Variants in FYCO1 observed in about 807,000 individuals in gnomAD.
The protein encoded by FYCO1 is FYVE and coiled-coil domain autophagy adaptor 1, also known as FYVE and coiled-coil domain-containing protein 1.
In FYCO1, 122 loss-of-function variants were observed where a neutral mutation model predicts 165.1. That is an observed-to-expected ratio of 0.74 (90% CI 0.64 to 0.86). The LOEUF (loss-of-function observed/expected upper bound fraction) is 0.86, where lower values mean the gene tolerates loss of function less well. FYCO1 is among the 40% of genes least tolerant of loss of function. FYCO1 has a pLI of 0.00. For synonymous variants in FYCO1, 648 were observed against 742.5 expected (o/e 0.87, Z 2.07); for missense variants, 1,702 against 1,810.3 (o/e 0.94, Z 1.09).
In FYCO1 at chr3:45,966,601, C is replaced by G; in HGVS notation, c.2733G>C (p.Gln911His). ...ANTDTAELGI[Q>H]VCALTVEKER... is the part of the protein sequence containing the mutation. ...CCTTTTCCACGGTCAGTGCGCAAAC[C>G]TGGATGCCCAGCTCAGCTGTGTCTG... The change falls in exon 8 of 18, where the codon CAG becomes CAC. Residue 911 changes from glutamine to histidine, a missense_variant. By Grantham distance (24) the Gln-to-His change is conservative. Coordinates refer to ENST00000296137, the MANE Select transcript of FYCO1 (RefSeq NM_024513.4). 1 of 1,614,216 alleles carries G rather than the reference C, an allele frequency of 6.2e-7. No homozygotes were observed.
intron 14 of FYCO1, chr3:45,946,113 T>C (rs1158706004): frequency 9.4e-6 from 2 of 212,730 alleles, no homozygotes; most frequent in Non-Finnish European, 1.9e-5. Flanking sequence ...ATCATCAGTG[T>C]TGCTCTTCCA....
chr3:45,954,215 T>TTG (rs1357329368), intron 14 of FYCO1, among the ~76,000 whole-genome samples: 3 of 148,002 alleles, frequency 2.0e-5, no homozygotes, highest in Non-Finnish European at 4.5e-5. Context: ...ATGACATTTT[T>TTG]TGGGGGGGGT....
At chr3:45,946,351 G>A in intron 14 of FYCO1, 2 of 730,218 alleles carry the variant, frequency 2.7e-6, no homozygotes, top group Non-Finnish European at 4.6e-6. Flanking sequence ...ATCCCAGTGG[G>A]TGGGTTTAGA....
At chr3:45,981,770 C>A in intron 2 of FYCO1, 94 bp from the exon 3 acceptor site, 2 of 860,772 alleles carry the variant, frequency 2.3e-6, no homozygotes, top group South Asian at 1.4e-5. Context: ...AGCAAGTGGT[C>A]AGTGATACAA....
At chr3:45,975,143 A>G in intron 5 of FYCO1, 96 bp downstream of exon 5, 2 of 871,308 alleles carry the variant, frequency 2.3e-6, no homozygotes, top group Non-Finnish European at 4.0e-6. Flanking sequence ...GGGGGACACA[A>G]ATGAGCACTA....
chr3:45,959,221 C>T (rs1391761745), intron 12 of FYCO1, among the ~76,000 whole-genome samples, 172 bp downstream of exon 12: 1 of 152,208 alleles, frequency 6.6e-6, no homozygotes. Context: ...TGTTAGGATC[C>T]CAACTAATAC....
At chr3:45,963,734 G>T (rs1705832791) in intron 10 of FYCO1, among the ~76,000 whole-genome samples, 1 of 152,210 alleles carries the variant, frequency 6.6e-6, no homozygotes, top group Non-Finnish European at 1.5e-5. Flanking sequence ...CCACATGGTG[G>T]ACTTAGGCTC....
chr3:45,941,364 T>C (rs1205075723), intron 14 of FYCO1: 3 of 152,178 alleles, frequency 2.0e-5, no homozygotes, highest in Non-Finnish European at 4.4e-5. Flanking sequence ...TGCCACTTCC[T>C]TTTTACTCTT....
intron 14 of FYCO1, chr3:45,945,724 G>A (rs1404107642): frequency 6.6e-5 from 10 of 152,162 alleles, no homozygotes; most frequent in Non-Finnish European, 1.5e-4. Context: ...ACTGATGAAG[G>A]GGAAAGTTTA....
intron 15 of FYCO1, 30 bp from the exon 16 acceptor site, chr3:45,931,311 T>C (rs1217339972): frequency 1.2e-6 from 2 of 1,605,124 alleles, no homozygotes; most frequent in Non-Finnish European, 1.7e-6. Flanking sequence ...AGGGACCTGA[T>C]TGACTGGGCA....
chr3:45,990,015 A>G (rs1179093289), intron 1 of FYCO1, among the ~76,000 whole-genome samples: 1 of 152,252 alleles, frequency 6.6e-6, no homozygotes, highest in Non-Finnish European at 1.5e-5. Context: ...CAACTGGTGC[A>G]TCTACTCCTG....
chr3:45,938,325 CT>C, intron 14 of FYCO1: 1 of 910,102 alleles, frequency 1.1e-6, no homozygotes, highest in Non-Finnish European at 1.6e-6. Context: ...GGGCAGAGGG[CT>C]TTCTTTTCAA....
rs1010658367 is a variant in FYCO1, at chr3:45,962,159, G to A, written c.3437+66C>T. 4.6e-6 allele frequency: 7 copies of A among 1,526,108 alleles called. No homozygotes were observed. The highest frequency in any genetic ancestry group is 6.4e-6 in the Non-Finnish European group (7 of 1,100,442). The allele number at this position is 1,526,108 out of a possible 1,614,324, so 94.5% of individuals were successfully genotyped here. On this transcript the variant is annotated intron_variant, in intron 11 of 17. Transcript: ENST00000296137. The surrounding 1 kb of genome is among the most constrained non-coding windows in gnomAD (Gnocchi z 4.4). The stretch of plus-strand genomic sequence containing the variant: ...CTGAAGTATGCTTTCAAGAACAGCT[G>A]CATTTCTTTAGAGAAAAACCCCAGT...
At chr3:45,988,090 C>G (rs989644018) in intron 1 of FYCO1, among the ~76,000 whole-genome samples, 2 of 152,176 alleles carry the variant, frequency 1.3e-5, no homozygotes, top group Non-Finnish European at 2.9e-5. Context: ...TTTCAAAGAG[C>G]CTGTGTCGCC....
chr3:45,932,509 C>T (rs1279331650), intron 15 of FYCO1, among the ~76,000 whole-genome samples: 2 of 152,232 alleles, frequency 1.3e-5, no homozygotes, highest in African/African-American at 4.8e-5. Flanking sequence ...GCAAAGCCAT[C>T]ATCTTCCTAC....
rs1376184423 is a variant in FYCO1, at chr3:45,918,435, T to A, written c.*3330A>T. Reference sequence around the variant, plus strand: ...TTGGTAAGTGTTTTGTAAACAAGAATGGCCGTCTCGATGGTCTTTGTGTAC... The same window carrying A: ...TTGGTAAGTGTTTTGTAAACAAGAAAGGCCGTCTCGATGGTCTTTGTGTAC... On this transcript the variant is annotated 3_prime_UTR_variant, in exon 18 of 18. Transcript: ENST00000296137. 1.3e-5 allele frequency: 2 copies of A among 152,208 alleles called. No individual in the cohort carries two copies. Among genetic ancestry groups the A allele is most frequent in the African/African-American group, 2.4e-5 (1 of 41,460 alleles). The allele number at this position is 152,208 out of a possible 1,614,324, so 9.4% of individuals were successfully genotyped here.
At chr3:45,980,025 G>A (rs892605518) in intron 3 of FYCO1, among the ~76,000 whole-genome samples, 195 bp from the exon 4 acceptor site, 2 of 152,204 alleles carry the variant, frequency 1.3e-5, no homozygotes, top group Non-Finnish European at 2.9e-5. Flanking sequence ...AACCACCGAA[G>A]GTGTTATTAA....
Position 45,959,735 on chromosome 3 carries a change from G to A in FYCO1, c.3438-193C>T, listed in dbSNP as rs76597151. 0.094 allele frequency among the ~76,000 whole-genome samples: 14,293 copies of A among 152,166 alleles called. 1,048 individuals are homozygous for A. Among genetic ancestry groups the A allele is most frequent in the South Asian group, 0.35 (1,689 of 4,820 alleles). On this transcript the variant is annotated intron_variant, in intron 11 of 17. Transcript: ENST00000296137. The stretch of plus-strand genomic sequence containing the variant: ...CCGACATGCAGACTTAACTGACACC[G>A]CATGTGTGAGAACATGCGGGAGGCA...
chr3:45,994,150 G>T (rs918357137), intron 1 of FYCO1, among the ~76,000 whole-genome samples: 1 of 151,846 alleles, frequency 6.6e-6, no homozygotes, highest in Non-Finnish European at 1.5e-5. Context: ...GCCCCAAGGG[G>T]CAAAGGTCAT....
Sources: allele counts gnomAD v4.1 joint callset (sites outside exome capture counted in the v4.1 genomes callset), GRCh38; gene constraint gnomAD v4.1.1; non-coding constraint Gnocchi (gnomAD v3.1); transcripts MANE v1.5; gene names NCBI Gene and HGNC (gene_info 2026-07-23, HGNC 2026-07-21).